Variants in FANCL observed in about 807,000 individuals in gnomAD.
FANCL encodes the protein E3 ubiquitin-protein ligase FANCL.
Under a neutral mutation model 59.4 loss-of-function variants are expected in FANCL, and 69 were observed. That is an observed-to-expected ratio of 1.16 (90% CI 0.96 to 1.42). The LOEUF is 1.42. Ranked by LOEUF, FANCL falls within the 40% of genes most tolerant of loss-of-function variation. The pLI, the probability that FANCL is intolerant of heterozygous loss-of-function variation, is 0.00. For missense variants in FANCL, 519 were observed against 447.2 expected (o/e 1.16, Z -1.45); for synonymous variants, 180 against 147.1 (o/e 1.22, Z -1.62).
rs1208609538 is a variant in FANCL at position 58,194,937 on chromosome 2, GA to G, written c.540+3656del. Among the ~76,000 whole-genome samples, 4 of 139,708 alleles carry G rather than the reference GA, an allele frequency of 2.9e-5. No individual in the cohort carries two copies. In the East Asian group the frequency reaches 8.4e-4, roughly 29 times the overall value. The allele number at this position is 139,708 out of a possible 152,430, so 91.7% of individuals were successfully genotyped here. A position where few individuals can be genotyped will look rare whatever the true frequency, so the allele number is the denominator to read the frequency against. On this transcript the variant is annotated intron_variant, in intron 7 of 13. Coordinates refer to ENST00000233741, the MANE Select transcript of FANCL (RefSeq NM_018062.4). ...TGTCTATTATATCACAAAAAAAAAA[GA>G]AAAATAAAGATCTTCCAAGTTTAAA...
At chr2:58,190,393 C>T (rs72810367) in intron 7 of FANCL, among the ~76,000 whole-genome samples, 1,912 of 150,742 alleles carry the variant, frequency 0.013, 21 homozygotes, top group Non-Finnish European at 0.02. Context: ...AAGAAAGCTC[C>T]TCAAGCACAT....
chr2:58,218,417 A>T (rs748507639), intron 5 of FANCL, among the ~76,000 whole-genome samples: 5 of 152,006 alleles, frequency 3.3e-5, no homozygotes, highest in African/African-American at 1.2e-4. Flanking sequence ...AAGAAAAATT[A>T]AAAAGGCACA....
At chr2:58,229,953 T>C (rs370675563) in intron 2 of FANCL, 79 bp from the exon 3 acceptor site, 1 of 954,592 alleles carries the variant, frequency 1.0e-6, no homozygotes. Flanking sequence ...CAAACATGCA[T>C]GTACATACAA....
At chr2:58,181,229 T>G (rs1216364159) in intron 7 of FANCL, among the ~76,000 whole-genome samples, 1 of 152,030 alleles carries the variant, frequency 6.6e-6, no homozygotes, top group East Asian at 1.9e-4. Flanking sequence ...TAAAAAGGAA[T>G]GAACTATTGG....
intron 4 of FANCL, among the ~76,000 whole-genome samples, chr2:58,226,478 C>T (rs563290732): frequency 9.9e-5 from 15 of 152,222 alleles, no homozygotes; most frequent in African/African-American, 3.6e-4. Flanking sequence ...TATTTCTTCA[C>T]CACCTGCCCA....
intron 2 of FANCL, among the ~76,000 whole-genome samples, chr2:58,231,595 G>T (rs904424366): frequency 6.6e-6 from 1 of 152,052 alleles, no homozygotes; most frequent in Non-Finnish European, 1.5e-5. Context: ...ATTTGGGGTG[G>T]TACCTAAATT....
At chr2:58,237,583 C>A (rs895720952) in intron 1 of FANCL, among the ~76,000 whole-genome samples, 3 of 151,466 alleles carry the variant, frequency 2.0e-5, no homozygotes, top group Admixed American at 6.6e-5. Context: ...CATATAGAAA[C>A]ATAAAAATAA....
At chr2:58,193,623 T>C (rs980155652) in intron 7 of FANCL, among the ~76,000 whole-genome samples, 5 of 152,014 alleles carry the variant, frequency 3.3e-5, no homozygotes, top group Admixed American at 2.0e-4. Context: ...AGAAAAAGCA[T>C]AAGAAATTAA....
chr2:58,165,146 A>T (rs935836593), intron 8 of FANCL, among the ~76,000 whole-genome samples: 3 of 152,162 alleles, frequency 2.0e-5, no homozygotes, highest in African/African-American at 7.2e-5. Context: ...ATACACAGCC[A>T]TTTTATAGTC....
At chr2:58,230,868 C>T (rs1693519520) in intron 2 of FANCL, among the ~76,000 whole-genome samples, 1 of 152,144 alleles carries the variant, frequency 6.6e-6, no homozygotes, top group African/African-American at 2.4e-5. Context: ...TTAACTTGCT[C>T]AAATATATAT....
chr2:58,217,201 TATATATATATATATACACACACAC>T (rs1428469941), intron 5 of FANCL, among the ~76,000 whole-genome samples: 225 of 12,296 alleles, frequency 0.018, 11 homozygotes, highest in Non-Finnish European at 0.035. Context: ...TATATATATA[TATATATATATATATACACACACAC>T]ACACACACAC....
intron 5 of FANCL, among the ~76,000 whole-genome samples, chr2:58,218,272 CA>C (rs1392140100): frequency 6.6e-6 from 1 of 151,402 alleles, no homozygotes; most frequent in Non-Finnish European, 1.5e-5. Context: ...ACAAAGGAAG[CA>C]AATCTAAAAA....
chr2:58,187,520 C>T (rs1361385582), intron 7 of FANCL, among the ~76,000 whole-genome samples: 1 of 151,106 alleles, frequency 6.6e-6, no homozygotes, highest in East Asian at 1.9e-4. Context: ...ACATATGTAA[C>T]AAACCTGCAC....
intron 5 of FANCL, among the ~76,000 whole-genome samples, chr2:58,204,631 G>T (rs550177681): frequency 1.2e-4 from 18 of 150,836 alleles, no homozygotes; most frequent in African/African-American, 4.5e-4. Context: ...TGCTCCCTTT[G>T]TTTTTCTCCT....
intron 6 of FANCL, among the ~76,000 whole-genome samples, chr2:58,200,417 G>C (rs1445455478): frequency 6.6e-6 from 1 of 151,982 alleles, no homozygotes; most frequent in Non-Finnish European, 1.5e-5. Flanking sequence ...CTTCTAAAAT[G>C]TCAAAATTCT....
At chr2:58,180,142 A>T (rs545721301) in intron 7 of FANCL, among the ~76,000 whole-genome samples, 1 of 152,320 alleles carries the variant, frequency 6.6e-6, no homozygotes, top group East Asian at 1.9e-4. Context: ...AATTAGTTCA[A>T]CCATTGTGGA....
chr2:58,165,966 A>G, intron 7 of FANCL, 92 bp from the exon 8 acceptor site: 1 of 1,327,864 alleles, frequency 7.5e-7, no homozygotes, highest in Non-Finnish European at 1.1e-6. Context: ...TAGAAATTTT[A>G]AGCTGTTTCA....
intron 4 of FANCL, among the ~76,000 whole-genome samples, chr2:58,225,229 A>T (rs1036110938): frequency 6.8e-6 from 1 of 146,602 alleles, no homozygotes; most frequent in East Asian, 2.0e-4. Flanking sequence ...AAGATACTTT[A>T]AAAAAAAAAA....
intron 11 of FANCL, among the ~76,000 whole-genome samples, chr2:58,162,084 G>A (rs1685271723): frequency 1.3e-5 from 2 of 151,786 alleles, no homozygotes; most frequent in Admixed American, 6.6e-5. Context: ...ATCATACATT[G>A]TTATAATGTC....
Sources: gnomAD v4.1 joint callset for allele counts (sites outside exome capture counted in the v4.1 genomes callset) on GRCh38, gnomAD v4.1.1 for gene constraint, MANE v1.5 for transcripts, NCBI Gene and HGNC (gene_info 2026-07-23, HGNC 2026-07-21) for gene names.